The following ATP10B variants were observed in gnomAD, a reference collection of about 807,000 sequenced individuals.
ATP10B encodes ATPase phospholipid transporting 10B (putative), also known as phospholipid-transporting ATPase VB.
ATP10B carries 122 observed loss-of-function variants against 141.2 expected under a neutral mutation model. The ratio of observed to expected loss-of-function variants is 0.86; its 90% CI spans 0.75 to 1.00. ATP10B has a LOEUF of 1.00. ATP10B is among the 50% of genes least tolerant of loss of function. ATP10B has a pLI of 0.00. For missense variants in ATP10B, 1,876 were observed against 1,825.3 expected, an observed-to-expected ratio of 1.03 and a Z score of -0.51; for synonymous variants, 685 against 692.0, an observed-to-expected ratio of 0.99 and a Z score of 0.16.
At chr5:160,821,211 A>G (rs1287799161) in intron 1 of ATP10B, among the ~76,000 whole-genome samples, 1 of 152,176 alleles carries the variant, frequency 6.6e-6, no homozygotes, top group Non-Finnish European at 1.5e-5. Flanking sequence ...GCATTTTTAT[A>G]TACCAACAGT....
the ATP10B span, among the ~76,000 whole-genome samples, chr5:160,879,475 A>G: frequency 7.0e-6 from 1 of 143,240 alleles, no homozygotes; most frequent in Non-Finnish European, 1.5e-5. Flanking sequence ...AGCATGGCAC[A>G]TGTATACGTA....
chr5:160,761,278 A>G (rs1201143459), intron 2 of ATP10B, among the ~76,000 whole-genome samples: 2 of 152,034 alleles, frequency 1.3e-5, no homozygotes, highest in Non-Finnish European at 2.9e-5. Context: ...ACAACCAAGG[A>G]CTCTCACACA....
At chr5:160,719,670 A>G (rs1049691914) in intron 2 of ATP10B, among the ~76,000 whole-genome samples, 10 of 152,248 alleles carry the variant, frequency 6.6e-5, no homozygotes, top group African/African-American at 1.9e-4. Context: ...TCAAAACTCT[A>G]CTATAAATAT....
At chr5:160,847,413 A>T (rs1776193174) in intron 1 of ATP10B, among the ~76,000 whole-genome samples, 1 of 152,186 alleles carries the variant, frequency 6.6e-6, no homozygotes, top group Admixed American at 6.6e-5. Flanking sequence ...TGATTTTATA[A>T]CAGTACAGCC....
At chr5:160,577,769 A>C (rs1423419720) in intron 24 of ATP10B, among the ~76,000 whole-genome samples, 1 of 152,180 alleles carries the variant, frequency 6.6e-6, no homozygotes, top group East Asian at 1.9e-4. Flanking sequence ...TTTCTAATTT[A>C]AATAACTTGT....
Position 160,824,454 on chromosome 5 carries a change from G to A in ATP10B, c.-576+27487C>T, listed in dbSNP as rs747219965. On this transcript the variant is annotated intron_variant, in intron 1 of 25. Coordinates refer to ENST00000327245, the MANE Select transcript of ATP10B (RefSeq NM_025153.3). ...CCAGGCAAGAGGCATGCCAGAGAAG[G>A]TCATGTCTTCTTTGAATACAGTCAT... 1.3e-4 allele frequency among the ~76,000 whole-genome samples: 20 copies of A among 152,310 alleles called. 1 individual carries two copies. The highest frequency in any genetic ancestry group is 3.6e-4 in the African/African-American group (15 of 41,582).
chr5:160,840,158 A>G (rs189346998), intron 1 of ATP10B, among the ~76,000 whole-genome samples: 1 of 152,158 alleles, frequency 6.6e-6, no homozygotes, highest in Non-Finnish European at 1.5e-5. Flanking sequence ...CTCATTTTTC[A>G]TTATTTTAAT....
At chr5:160,663,380 GAACC>G (rs1218221675) in intron 7 of ATP10B, among the ~76,000 whole-genome samples, 1 of 152,070 alleles carries the variant, frequency 6.6e-6, no homozygotes, top group Non-Finnish European at 1.5e-5. Flanking sequence ...CAAAGACTTG[GAACC>G]AACCCAAATG....
chr5:160,566,741 G>T (rs186093276), intron 25 of ATP10B, among the ~76,000 whole-genome samples: 2 of 152,210 alleles, frequency 1.3e-5, no homozygotes, highest in Non-Finnish European at 2.9e-5. Flanking sequence ...TACACAAGCC[G>T]TGGCAGTGGG....
chr5:160,890,282 T>C, the ATP10B span, among the ~76,000 whole-genome samples: 1 of 152,240 alleles, frequency 6.6e-6, no homozygotes, highest in African/African-American at 2.4e-5. Flanking sequence ...CTGAGTTTTT[T>C]TTGTAATTGA....
chr5:160,924,181 G>A, the ATP10B span, among the ~76,000 whole-genome samples: 1 of 152,350 alleles, frequency 6.6e-6, no homozygotes, highest in Non-Finnish European at 1.5e-5. Context: ...AGGATAATCT[G>A]TAATGTGTTA....
intron 2 of ATP10B, among the ~76,000 whole-genome samples, chr5:160,720,815 A>C (rs1298537434): frequency 6.6e-6 from 1 of 152,222 alleles, no homozygotes; most frequent in African/African-American, 2.4e-5. Flanking sequence ...CTTGGTCAGC[A>C]CTGTAGCTTT....
At chr5:160,766,252 C>T (rs969679609) in intron 2 of ATP10B, among the ~76,000 whole-genome samples, 1 of 151,146 alleles carries the variant, frequency 6.6e-6, no homozygotes, top group Non-Finnish European at 1.5e-5. Flanking sequence ...GACACTTGCA[C>T]ATCCATGTTT....
chr5:160,748,293 T>C (rs189294307), intron 2 of ATP10B, among the ~76,000 whole-genome samples: 37 of 152,364 alleles, frequency 2.4e-4, no homozygotes, highest in African/African-American at 8.2e-4. Context: ...CCCTTGCTAG[T>C]GAAGCTTAGA....
chr5:160,805,641 G>A (rs1270019553), intron 1 of ATP10B, among the ~76,000 whole-genome samples: 1 of 151,986 alleles, frequency 6.6e-6, no homozygotes, highest in Non-Finnish European at 1.5e-5. Flanking sequence ...CAGGGCCCCA[G>A]GTACAGTGAA....
chr5:160,917,766 C>T, the ATP10B span, among the ~76,000 whole-genome samples: 7 of 152,212 alleles, frequency 4.6e-5, no homozygotes, highest in Non-Finnish European at 8.8e-5. Context: ...CAAGCCACAA[C>T]TCTGCTGGCG....
chr5:160,811,593 C>T (rs566647340), intron 1 of ATP10B, among the ~76,000 whole-genome samples: 5 of 152,262 alleles, frequency 3.3e-5, no homozygotes, highest in African/African-American at 9.6e-5. Context: ...CCATTTCCCC[C>T]TCTTCCTACC....
the ATP10B span, among the ~76,000 whole-genome samples, chr5:160,906,101 A>C: frequency 2.0e-5 from 3 of 152,222 alleles, no homozygotes; most frequent in Non-Finnish European, 4.4e-5. Context: ...TGAACATCAA[A>C]AGCTGGGAAA....
chr5:160,598,581 C>A (rs1756889832), intron 22 of ATP10B, among the ~76,000 whole-genome samples, 189 bp downstream of exon 22: 1 of 151,938 alleles, frequency 6.6e-6, no homozygotes, highest in African/African-American at 2.4e-5. Context: ...TCTGGCCCAA[C>A]ACCCTCAATA....
Sources: allele counts gnomAD v4.1 joint callset (sites outside exome capture counted in the v4.1 genomes callset), GRCh38; gene constraint gnomAD v4.1.1; transcripts MANE v1.5; gene names NCBI Gene and HGNC (gene_info 2026-07-23, HGNC 2026-07-21).